The following PDXDC1 variants were observed in gnomAD, a reference collection of about 807,000 sequenced individuals.
The protein encoded by PDXDC1 is pyridoxal-dependent decarboxylase domain-containing protein 1.
PDXDC1 carries 42 observed loss-of-function variants against 100.1 expected under a neutral mutation model. That is an observed-to-expected ratio of 0.42 (90% confidence interval 0.33 to 0.54). PDXDC1 has a LOEUF of 0.54. Among genes scored for constraint, PDXDC1 ranks in the 20% least tolerant of loss-of-function variants. The probability of loss-of-function intolerance (pLI) is 0.10; values close to 1 mark genes in which losing one functional copy is unlikely to be tolerated. For synonymous variants in PDXDC1, 260 were observed against 371.7 expected, an observed-to-expected ratio of 0.70 and a Z score of 3.46; for missense variants, 636 against 979.2, an observed-to-expected ratio of 0.65 and a Z score of 4.68.
chr16:15,010,476 C>T (rs1156405204), intron 8 of PDXDC1: 6 of 154,560 alleles, frequency 3.9e-5, no homozygotes, highest in Middle Eastern at 5.2e-4. Flanking sequence ...ATAGCAAGAC[C>T]CCATCTCAAT....
chr16:15,100,883 G>A (rs770714120), intron 16 of PDXDC1, among the ~76,000 whole-genome samples: 30 of 152,142 alleles, frequency 2.0e-4, no homozygotes, highest in Admixed American at 5.2e-4. Flanking sequence ...CTACTCAGGA[G>A]GCTGAGACGT....
intron 16 of PDXDC1, among the ~76,000 whole-genome samples, chr16:15,056,496 G>A (rs942538739): frequency 1.3e-5 from 2 of 152,160 alleles, no homozygotes; most frequent in Non-Finnish European, 2.9e-5. Flanking sequence ...ACCTAATCAG[G>A]CGGGCACGGT....
intron 12 of PDXDC1, among the ~76,000 whole-genome samples, chr16:15,020,975 A>AACAC (rs66850292): frequency 0.07 from 10,175 of 144,910 alleles, 40 homozygotes; most frequent in East Asian, 0.092. Flanking sequence ...GCACCATCTA[A>AACAC]ACACACACAC....
intron 3 of PDXDC1, among the ~76,000 whole-genome samples, chr16:15,000,975 G>A (rs892265276): frequency 6.7e-6 from 1 of 149,762 alleles, no homozygotes; most frequent in African/African-American, 2.4e-5. Context: ...CATATTATAA[G>A]GCCTTTTTGC....
chr16:15,004,333 G>A lies in PDXDC1; in HGVS notation c.389G>A (p.Arg130Lys), dbSNP rs1973818046. ...DTTLWLCRIF[R>K]YENGCAYFHE... ...ACCTTATGGCTATGCAGAATTTTCA[G>A]GTAAAGACATGATGAGTTTCCAGTG... is the stretch of plus-strand genomic sequence containing the variant. Residue 130 changes from arginine to lysine, a missense_variant and splice_region_variant, in exon 5 of 23, where the codon AGA becomes AAA. Arg to Lys is a conservative substitution (Grantham distance 26). Coordinates refer to ENST00000396410, the MANE Select transcript of PDXDC1 (RefSeq NM_015027.4). 6.2e-7 allele frequency: 1 copy of A among 1,613,670 alleles called. No individual in the cohort carries two copies. Among genetic ancestry groups the A allele is most frequent in the South Asian group, 1.1e-5 (1 of 91,028 alleles).
intron 16 of PDXDC1, among the ~76,000 whole-genome samples, chr16:15,072,245 C>CAAAAA (rs55852324): frequency 7.5e-6 from 1 of 133,466 alleles, no homozygotes; most frequent in Non-Finnish European, 1.6e-5. Context: ...TTTCCCCCAC[C>CAAAAA]AAAAAAAAAA....
At chr16:14,985,576 C>T (rs1294095740) in intron 1 of PDXDC1, among the ~76,000 whole-genome samples, 6 of 152,266 alleles carry the variant, frequency 3.9e-5, no homozygotes, top group Non-Finnish European at 8.8e-5. Context: ...TGAGCCACCG[C>T]GCCTGGCCTT....
downstream of PDXDC1, among the ~76,000 whole-genome samples, chr16:15,043,102 G>A (rs2151698814): frequency 6.6e-6 from 1 of 152,224 alleles, no homozygotes; most frequent in East Asian, 1.9e-4. Context: ...GTTTCTCCAT[G>A]TTGGTCAGGC....
intron 16 of PDXDC1, chr16:15,134,052 C>A (rs1411207219): frequency 1.9e-6 from 3 of 1,572,466 alleles, no homozygotes; most frequent in African/African-American, 2.7e-5. Flanking sequence ...TGTCTTGTTG[C>A]TGAACGTACG....
At chr16:15,033,930 C>T (rs1217656981) in intron 19 of PDXDC1, among the ~76,000 whole-genome samples, 2 of 152,130 alleles carry the variant, frequency 1.3e-5, no homozygotes, top group African/African-American at 2.4e-5. Context: ...AGAAGAGGGA[C>T]CAAGGTAAGA....
chr16:15,041,570 CA>C, downstream of PDXDC1: 1 of 1,301,670 alleles, frequency 7.7e-7, no homozygotes, highest in Non-Finnish European at 1.1e-6. Context: ...AGACTGGGGA[CA>C]AAACGGTCCT....
intron 19 of PDXDC1, among the ~76,000 whole-genome samples, chr16:15,033,732 G>A (rs959132356): frequency 6.6e-6 from 1 of 152,192 alleles, no homozygotes; most frequent in African/African-American, 2.4e-5. Context: ...CTGCTCTGGA[G>A]CTGTGTCCTG....
chr16:15,033,963 C>G (rs968795144), intron 19 of PDXDC1: 2 of 462,552 alleles, frequency 4.3e-6, no homozygotes, highest in Non-Finnish European at 7.8e-6. Flanking sequence ...GAGAGAGACA[C>G]GAGCCATTGG....
At chr16:15,149,747 G>A in the PDXDC1 span, among the ~76,000 whole-genome samples, 1 of 152,100 alleles carries the variant, frequency 6.6e-6, no homozygotes, top group African/African-American at 2.4e-5. Context: ...GACAGCAGCA[G>A]ACCCAGGTGA....
intron 1 of PDXDC1, among the ~76,000 whole-genome samples, chr16:14,994,838 C>G (rs1260673417): frequency 4.0e-5 from 6 of 151,464 alleles, no homozygotes; most frequent in Non-Finnish European, 2.9e-5. Context: ...TGTAGTTTTC[C>G]TTGAAGAGGT....
At chr16:15,131,329 T>C (rs1411486663) in intron 16 of PDXDC1, 6 of 1,563,218 alleles carry the variant, frequency 3.8e-6, no homozygotes, top group African/African-American at 1.4e-5. Flanking sequence ...CGAGGCCACC[T>C]TGGTGGAGAC....
intron 16 of PDXDC1, among the ~76,000 whole-genome samples, chr16:15,063,477 G>C (rs1240445046): frequency 6.6e-6 from 1 of 152,088 alleles, no homozygotes; most frequent in South Asian, 2.1e-4. Context: ...GGGAGGCTGA[G>C]GTGGGCAGAT....
intron 16 of PDXDC1, among the ~76,000 whole-genome samples, chr16:15,073,302 T>C (rs555720948): frequency 6.6e-6 from 1 of 151,970 alleles, no homozygotes; most frequent in East Asian, 1.9e-4. Context: ...CTACAAAAAA[T>C]CAAAAAATTA....
chr16:15,042,718 C>CTATTTATTTTT (rs2043872142), downstream of PDXDC1, among the ~76,000 whole-genome samples: 1 of 147,004 alleles, frequency 6.8e-6, no homozygotes, highest in East Asian at 2.0e-4. Flanking sequence ...AAAGGATGAA[C>CTATTTATTTTT]TATTTATTTA....
Sources: gnomAD v4.1 joint callset for allele counts (sites outside exome capture counted in the v4.1 genomes callset) on GRCh38, gnomAD v4.1.1 for gene constraint, MANE v1.5 for transcripts, NCBI Gene and HGNC (gene_info 2026-07-23, HGNC 2026-07-21) for gene names.